MAD1L1: variants seen among roughly 807,000 people sequenced by gnomAD.
MAD1L1 encodes the protein mitotic arrest deficient 1 like 1.
MAD1L1 carries 95 observed loss-of-function variants against 96.9 expected under a neutral mutation model. The observed-to-expected ratio is 0.98, with a 90% confidence interval of 0.83 to 1.16. The LOEUF is 1.16. Among genes scored for constraint, MAD1L1 ranks in the 50% most tolerant of loss-of-function variants. The pLI, the probability that MAD1L1 is intolerant of heterozygous loss-of-function variation, is 0.00. For synonymous variants in MAD1L1, 473 were observed against 396.6 expected, an observed-to-expected ratio of 1.19 and a Z score of -2.29; for missense variants, 1,007 against 954.4, an observed-to-expected ratio of 1.06 and a Z score of -0.73.
chr7:1,972,607 T>TG, intron 15 of MAD1L1, among the ~76,000 whole-genome samples: 1 of 151,690 alleles, frequency 6.6e-6, no homozygotes, highest in South Asian at 2.1e-4. Context: ...TTATTGAATT[T>TG]TTTTTCCAAA....
At chr7:2,213,874 G>A (rs1045822158) in intron 9 of MAD1L1, among the ~76,000 whole-genome samples, 1 of 152,240 alleles carries the variant, frequency 6.6e-6, no homozygotes, top group African/African-American at 2.4e-5. Flanking sequence ...GAGTCTCACG[G>A]CCCTTCTAGG....
At chr7:2,019,717 A>G (rs1454149996) in intron 12 of MAD1L1, among the ~76,000 whole-genome samples, 1 of 132,310 alleles carries the variant, frequency 7.6e-6, no homozygotes, top group South Asian at 2.3e-4. Context: ...GCCACGCCTC[A>G]CCACCCCCAA....
chr7:1,893,634 C>A (rs896812751), intron 18 of MAD1L1, among the ~76,000 whole-genome samples: 1 of 152,256 alleles, frequency 6.6e-6, no homozygotes, highest in Admixed American at 6.5e-5. Context: ...TCAGGGAAGA[C>A]CCTCCTGGGC....
intron 12 of MAD1L1, among the ~76,000 whole-genome samples, chr7:2,034,436 G>A (rs536711214): frequency 2.2e-4 from 34 of 152,168 alleles, no homozygotes; most frequent in African/African-American, 7.7e-4. Flanking sequence ...AGGCTGGTCC[G>A]AACTCCTGAG....
intron 18 of MAD1L1, among the ~76,000 whole-genome samples, chr7:1,869,046 G>A (rs977644341): frequency 2.6e-5 from 4 of 152,172 alleles, no homozygotes; most frequent in Admixed American, 1.3e-4. Context: ...GGTGGGGCCC[G>A]AATGGCACCG....
chr7:2,230,200 G>T, intron 2 of MAD1L1, 57 bp from the exon 3 acceptor site: 2 of 1,450,172 alleles, frequency 1.4e-6, no homozygotes, highest in Non-Finnish European at 1.9e-6. Flanking sequence ...GCCATCAGCC[G>T]TGCAGTCAGC....
intron 12 of MAD1L1, among the ~76,000 whole-genome samples, chr7:2,046,405 C>A (rs1783921665): frequency 6.6e-6 from 1 of 152,280 alleles, no homozygotes; most frequent in African/African-American, 2.4e-5. Context: ...GCCCGGCGCC[C>A]GTGCCCACCC....
chr7:2,213,101 CCA>C, intron 10 of MAD1L1, 109 bp downstream of exon 10: 1 of 1,146,746 alleles, frequency 8.7e-7, no homozygotes, highest in East Asian at 2.4e-5. Context: ...CCCGCACCAG[CCA>C]CAGAGATGCC....
intron 11 of MAD1L1, among the ~76,000 whole-genome samples, chr7:2,140,531 G>A (rs1038736987): frequency 1.3e-5 from 2 of 152,234 alleles, no homozygotes; most frequent in African/African-American, 4.8e-5. Context: ...GGCATCCCTG[G>A]CTTAGCCACT....
chr7:2,044,886 C>T (rs906484887), intron 12 of MAD1L1, among the ~76,000 whole-genome samples: 1 of 152,018 alleles, frequency 6.6e-6, no homozygotes, highest in East Asian at 1.9e-4. Context: ...CCAGGGGAGG[C>T]AACAGCATGA....
At chr7:1,985,538 C>T (rs1319282316) in intron 14 of MAD1L1, among the ~76,000 whole-genome samples, 4 of 152,252 alleles carry the variant, frequency 2.6e-5, no homozygotes, top group Admixed American at 1.3e-4. Flanking sequence ...CTCTCCCCAC[C>T]TGATACTACC....
chr7:2,027,768 A>G (rs1166210803), intron 12 of MAD1L1, among the ~76,000 whole-genome samples: 1 of 152,240 alleles, frequency 6.6e-6, no homozygotes, highest in Non-Finnish European at 1.5e-5. Context: ...GATCTTTAAC[A>G]GTGAAATGTT....
chr7:2,073,959 G>A (rs1785258823), intron 11 of MAD1L1, among the ~76,000 whole-genome samples: 1 of 152,200 alleles, frequency 6.6e-6, no homozygotes. Context: ...CCTGATGGCT[G>A]ACACTGAAAT....
intron 13 of MAD1L1, among the ~76,000 whole-genome samples, chr7:2,007,609 G>A (rs993127105): frequency 6.6e-6 from 1 of 152,216 alleles, no homozygotes. Flanking sequence ...GGCAAGCGGA[G>A]GCTGCAGTGA....
intron 14 of MAD1L1, 103 bp from the exon 15 acceptor site, chr7:1,980,644 C>T: frequency 1.1e-6 from 1 of 905,620 alleles, no homozygotes; most frequent in South Asian, 1.4e-5. Flanking sequence ...AGCACCCCCG[C>T]CCTGGGCTGG....
intron 10 of MAD1L1, among the ~76,000 whole-genome samples, chr7:2,152,135 G>A (rs1789607058): frequency 6.6e-6 from 1 of 152,244 alleles, no homozygotes; most frequent in Non-Finnish European, 1.5e-5. Context: ...TGGCGCCTGA[G>A]GCGGATGGTC....
chr7:1,887,308 T>C (rs1306219513), intron 18 of MAD1L1, among the ~76,000 whole-genome samples: 2 of 151,674 alleles, frequency 1.3e-5, no homozygotes, highest in South Asian at 2.1e-4. Context: ...TGTGGGCATG[T>C]GTGTGCATGC....
chr7:1,936,550 G>A (rs981545809), intron 17 of MAD1L1, 137 bp downstream of exon 17: 2 of 898,728 alleles, frequency 2.2e-6, no homozygotes, highest in South Asian at 1.7e-5. Context: ...GCAACCACCA[G>A]ACCCGGCTGC....
intron 17 of MAD1L1, among the ~76,000 whole-genome samples, chr7:1,912,482 C>A (rs904272409): frequency 6.6e-6 from 1 of 152,190 alleles, no homozygotes; most frequent in Non-Finnish European, 1.5e-5. Context: ...ACGGAGATGC[C>A]AGCCCACAGA....
Sources: gnomAD v4.1 joint callset for allele counts (sites outside exome capture counted in the v4.1 genomes callset) on GRCh38, gnomAD v4.1.1 for gene constraint, MANE v1.5 for transcripts, NCBI Gene and HGNC (gene_info 2026-07-23, HGNC 2026-07-21) for gene names.